Variants in LAMA1 observed in about 807,000 individuals in gnomAD.
The protein encoded by LAMA1 is laminin subunit alpha 1, also known as laminin subunit alpha-1.
Under a neutral mutation model 348.7 loss-of-function variants are expected in LAMA1, and 219 were observed. The observed-to-expected ratio is 0.63, with a 90% CI of 0.56 to 0.70. LAMA1 has a LOEUF of 0.70. Among genes scored for constraint, LAMA1 ranks in the 30% least tolerant of loss-of-function variants. LAMA1 has a pLI of 0.00. For missense variants in LAMA1, 3,744 were observed against 3,888.0 expected, an observed-to-expected ratio of 0.96 and a Z score of 0.99; for synonymous variants, 1,487 against 1,491.0, an observed-to-expected ratio of 1.00 and a Z score of 0.06.
Position 7,044,816 on chromosome 18 carries a change from A to G in LAMA1, c.882T>C (p.His294=), listed in dbSNP as rs771815075. The change falls in exon 7 of 63, where the codon CAT becomes CAC. Residue 294 remains histidine (H), a synonymous_variant. Transcript: ENST00000389658. The part of the protein sequence containing the change: ...TTKKLQCQCE[H]NTCGESCNRC... The stretch of plus-strand genomic sequence containing the variant: ...TGTTACAGCTCTCCCCGCAAGTATT[A>G]TGCTCACATTGACACTGCAGTTTCT... The G allele has an allele frequency of 1.9e-6, 3 of 1,614,144 alleles. No homozygotes were observed. Among genetic ancestry groups the G allele is most frequent in the South Asian group, 1.1e-5 (1 of 91,078 alleles).
At chr18:6,979,714 A>T (rs28375801) in intron 42 of LAMA1, among the ~76,000 whole-genome samples, 2 of 151,688 alleles carry the variant, frequency 1.3e-5, no homozygotes, top group African/African-American at 4.8e-5. Flanking sequence ...CCTGGCTAAC[A>T]CGGTGAAACC....
At chr18:7,031,933 T>C (rs147167449) in intron 16 of LAMA1, 133 bp downstream of exon 16, 10 of 654,268 alleles carry the variant, frequency 1.5e-5, no homozygotes, top group Non-Finnish European at 2.6e-5. Context: ...AGCTTAAATC[T>C]GTAAATTTTC....
intron 1 of LAMA1, among the ~76,000 whole-genome samples, chr18:7,093,679 A>T (rs975816751): frequency 6.6e-6 from 1 of 152,116 alleles, no homozygotes; most frequent in African/African-American, 2.4e-5. Flanking sequence ...ACATTAAGGT[A>T]GATGGAAGAT....
At chr18:7,108,065 C>T (rs759830833) in intron 1 of LAMA1, among the ~76,000 whole-genome samples, 3 of 151,390 alleles carry the variant, frequency 2.0e-5, no homozygotes, top group South Asian at 2.1e-4. Flanking sequence ...CTAACTCTCT[C>T]GGTGGCTCAC....
At chr18:7,084,349 C>T (rs1254406470) in intron 1 of LAMA1, among the ~76,000 whole-genome samples, 2 of 152,050 alleles carry the variant, frequency 1.3e-5, no homozygotes, top group Admixed American at 6.6e-5. Flanking sequence ...AGGATCAGGA[C>T]AGTACCAAGA....
chr18:6,965,970 T>G, intron 49 of LAMA1, 177 bp downstream of exon 49: 1 of 684,258 alleles, frequency 1.5e-6, no homozygotes, highest in Non-Finnish European at 2.4e-6. Context: ...AATAAATAAT[T>G]TAAAATGAGG....
chr18:6,962,957 T>G (rs2057615109), intron 51 of LAMA1, among the ~76,000 whole-genome samples: 1 of 152,156 alleles, frequency 6.6e-6, no homozygotes, highest in African/African-American at 2.4e-5. Flanking sequence ...AGCTCTAATT[T>G]CCAAAATATG....
At chr18:7,012,631 G>A (rs967463231) in intron 23 of LAMA1, among the ~76,000 whole-genome samples, 12 of 150,428 alleles carry the variant, frequency 8.0e-5, no homozygotes, top group African/African-American at 2.7e-4. Context: ...TCAGCCTCCC[G>A]AGTAGCTGGG....
chr18:7,065,922 C>T (rs1278308690), intron 3 of LAMA1, among the ~76,000 whole-genome samples: 1 of 152,154 alleles, frequency 6.6e-6, no homozygotes, highest in Non-Finnish European at 1.5e-5. Flanking sequence ...TTTCTAAGTG[C>T]CTGCATACAA....
At chr18:7,060,961 G>A (rs762859197) in intron 3 of LAMA1, among the ~76,000 whole-genome samples, 18 of 152,080 alleles carry the variant, frequency 1.2e-4, no homozygotes, top group Non-Finnish European at 2.6e-4. Context: ...TTTGAGACCA[G>A]CCTGGGCAAC....
chr18:7,095,735 G>C (rs567193977), intron 1 of LAMA1, among the ~76,000 whole-genome samples: 1 of 152,344 alleles, frequency 6.6e-6, no homozygotes, highest in East Asian at 1.9e-4. Flanking sequence ...TTAACTGAGT[G>C]AGGTTTGACT....
intron 32 of LAMA1, among the ~76,000 whole-genome samples, chr18:6,999,043 T>C (rs969305140): frequency 2.2e-5 from 3 of 139,412 alleles, no homozygotes; most frequent in Non-Finnish European, 4.5e-5. Flanking sequence ...TTTGTTTTTG[T>C]TTTTTTTTTA....
intron 1 of LAMA1, among the ~76,000 whole-genome samples, chr18:7,090,019 C>T (rs1453333810): frequency 1.3e-5 from 2 of 152,134 alleles, no homozygotes; most frequent in African/African-American, 4.8e-5. Flanking sequence ...TTCCAAGAGG[C>T]CTCAGCTCCA....
chr18:6,986,965 G>T (rs1200237143), intron 36 of LAMA1, among the ~76,000 whole-genome samples: 3 of 152,058 alleles, frequency 2.0e-5, no homozygotes, highest in Admixed American at 2.0e-4. Context: ...TCACCTGTTG[G>T]CCAGGCTAGT....
Position 6,965,287 on chromosome 18 carries a change from C to T in LAMA1, c.7195+1G>A, listed in dbSNP as rs1209265216. 3 of 1,614,186 alleles carry T rather than the reference C, an allele frequency of 1.9e-6. No individual in the cohort carries two copies. Among genetic ancestry groups the T allele is most frequent in the East Asian group, 2.2e-5 (1 of 44,882 alleles). ...TCTGGTGAGTCCATCTGTGTCCCTA[C>T]CTTGCTTCCGGTTTCGCTGGAAGGC... On this transcript the variant is annotated splice_donor_variant, in intron 50 of 62. Coordinates refer to ENST00000389658, the MANE Select transcript of LAMA1 (RefSeq NM_005559.4). LOFTEE classifies it high-confidence loss of function.
chr18:6,999,714 G>C (rs139618283), intron 31 of LAMA1, 76 bp from the exon 32 acceptor site: 3 of 1,328,738 alleles, frequency 2.3e-6, no homozygotes, highest in Non-Finnish European at 3.2e-6. Flanking sequence ...AATCATTTCC[G>C]CCAAATGAAA....
chr18:6,949,181 C>T lies in LAMA1; in HGVS notation c.8476G>A (p.Asp2826Asn). ...CCCTCCACATCCAGCATGGTTCCAT[C>T]TCCCACCACAGTCACCATGGGAGAC... ...RESPMVTVVG[D>N]GTMLDVEGLF... The change falls in exon 59 of 63, where the codon GAT (aspartate) becomes AAT (asparagine). Residue 2826 changes from aspartate (D) to asparagine (N), a missense_variant. Physicochemically the swap from Asp to Asn is conservative, Grantham distance 23. This residue lies in a region of LAMA1 where 1,983 missense variants were observed against 1,934.3 expected (regional missense o/e 1.03). Transcript: ENST00000389658. The T allele has an allele frequency of 6.2e-7, 1 of 1,614,186 alleles. No individual in the cohort carries two copies. Among genetic ancestry groups the T allele is most frequent in the Admixed American group, 1.7e-5 (1 of 60,026 alleles).
intron 3 of LAMA1, among the ~76,000 whole-genome samples, chr18:7,077,199 C>CTTTTTTT (rs71165719): frequency 1.7e-5 from 2 of 119,794 alleles, no homozygotes; most frequent in African/African-American, 3.2e-5. Flanking sequence ...CTGTTCTTTT[C>CTTTTTTT]TTTTTTTTTT....
chr18:7,105,831 G>A (rs1173614017), intron 1 of LAMA1, among the ~76,000 whole-genome samples: 4 of 152,220 alleles, frequency 2.6e-5, no homozygotes, highest in African/African-American at 9.7e-5. Context: ...ACATGATCAA[G>A]AGTATTTTTC....
Sources: allele counts gnomAD v4.1 joint callset (sites outside exome capture counted in the v4.1 genomes callset), GRCh38; gene constraint gnomAD v4.1.1; regional missense constraint gnomAD v4.1.1; transcripts MANE v1.5; gene names NCBI Gene and HGNC (gene_info 2026-07-23, HGNC 2026-07-21).